DMXL2: variants seen among roughly 807,000 people sequenced by gnomAD.
DMXL2 encodes the protein dmX-like protein 2.
Under a neutral mutation model 331.1 loss-of-function variants are expected in DMXL2, and 103 were observed. The ratio of observed to expected loss-of-function variants is 0.31; its 90% CI spans 0.27 to 0.37. DMXL2 has a LOEUF of 0.37. Ranked by LOEUF, DMXL2 falls within the 10% of genes least tolerant of loss-of-function variation. The pLI, the probability that DMXL2 is intolerant of heterozygous loss-of-function variation, is 1.00. For synonymous variants in DMXL2, 1,281 were observed against 1,252.1 expected (o/e 1.02, Z -0.49); for missense variants, 3,171 against 3,642.9 (o/e 0.87, Z 3.33).
At chr15:51,611,978 G>T (rs2054000990) in intron 1 of DMXL2, among the ~76,000 whole-genome samples, 1 of 152,164 alleles carries the variant, frequency 6.6e-6, no homozygotes, top group Non-Finnish European at 1.5e-5. Context: ...TCCATGCTGT[G>T]GAAGCTTTGT....
rs969911409 is a variant in DMXL2, at chr15:51,573,324, G to C, written c.213+2732C>G. Among the ~76,000 whole-genome samples, 3 of 152,278 alleles carry C rather than the reference G, an allele frequency of 2.0e-5. 1 individual carries two copies. The highest frequency in any genetic ancestry group is 2.0e-4 in the Admixed American group (3 of 15,294). ...GGATCTAGAACCAGAAATACCATTTGACCCACCAATCCCATTACTGGGTAT... is the reference window on the plus strand; with the variant it reads ...GGATCTAGAACCAGAAATACCATTTCACCCACCAATCCCATTACTGGGTAT... On this transcript the variant is annotated intron_variant, in intron 2 of 43. Transcript: ENST00000560891.
chr15:51,497,954 A>C (rs1175791462), intron 18 of DMXL2, among the ~76,000 whole-genome samples: 1 of 152,150 alleles, frequency 6.6e-6, no homozygotes, highest in Non-Finnish European at 1.5e-5. Context: ...AGACTTGGCC[A>C]GTCCATGGTG....
chr15:51,483,938 G>A (rs746556029), intron 23 of DMXL2, among the ~76,000 whole-genome samples: 2 of 151,900 alleles, frequency 1.3e-5, no homozygotes, highest in Non-Finnish European at 2.9e-5. Context: ...TAACAGAAAC[G>A]CCCCCATGCC....
chr15:51,574,676 G>GA (rs1181991745), intron 2 of DMXL2, among the ~76,000 whole-genome samples: 34 of 152,112 alleles, frequency 2.2e-4, no homozygotes, highest in African/African-American at 8.2e-4. Context: ...AGGACTGGGG[G>GA]ATAAAAGGAC....
chr15:51,581,616 G>T (rs1357589223), intron 1 of DMXL2, among the ~76,000 whole-genome samples: 2 of 152,126 alleles, frequency 1.3e-5, no homozygotes, highest in Non-Finnish European at 2.9e-5. Context: ...TTTCAGAAAA[G>T]AAAACTAATA....
In DMXL2 at chr15:51,480,159, A is replaced by AT. The variant is rs1280960177; in HGVS notation, c.6565-21dup. On this transcript the variant is annotated intron_variant, in intron 24 of 43. Coordinates refer to ENST00000560891, the MANE Select transcript of DMXL2 (RefSeq NM_001378457.1). Reference sequence around the variant, plus strand: ...AGTTTCCTGTGGGTGATAGTGAATTATTTTTTTCAAAGTAGTTTAAAAAAT... The same window carrying AT: ...AGTTTCCTGTGGGTGATAGTGAATTATTTTTTTTCAAAGTAGTTTAAAAAAT... The AT allele has an allele frequency of 2.0e-6, 3 of 1,489,144 alleles. No individual in the cohort carries two copies. Among genetic ancestry groups the AT allele is most frequent in the South Asian group, 1.4e-5 (1 of 72,078 alleles). The allele number at this position is 1,489,144 out of a possible 1,614,324, so 92.2% of individuals were successfully genotyped here.
chr15:51,469,957 C>G (rs991081834), intron 29 of DMXL2, among the ~76,000 whole-genome samples: 1 of 152,186 alleles, frequency 6.6e-6, no homozygotes, highest in Non-Finnish European at 1.5e-5. Context: ...AGTTCTCAAA[C>G]TTCAGCACAC....
intron 2 of DMXL2, among the ~76,000 whole-genome samples, chr15:51,572,066 G>C (rs868606915): frequency 6.6e-6 from 1 of 151,936 alleles, no homozygotes; most frequent in East Asian, 1.9e-4. Flanking sequence ...AAAAAGAGAA[G>C]AATCAAATAG....
intron 13 of DMXL2, among the ~76,000 whole-genome samples, chr15:51,520,582 C>G (rs1216642101): frequency 2.0e-5 from 3 of 152,050 alleles, no homozygotes; most frequent in African/African-American, 7.2e-5. Flanking sequence ...AATAGGCTGA[C>G]ACGGTGGCTC....
intron 15 of DMXL2, among the ~76,000 whole-genome samples, chr15:51,510,639 T>TA (rs2140594248): frequency 6.6e-6 from 1 of 152,256 alleles, no homozygotes; most frequent in African/African-American, 2.4e-5. Flanking sequence ...ATAGATTCAA[T>TA]GCTATCCCCA....
intron 8 of DMXL2, among the ~76,000 whole-genome samples, chr15:51,544,129 GAC>G (rs1351138805): frequency 6.6e-6 from 1 of 152,104 alleles, no homozygotes; most frequent in Non-Finnish European, 1.5e-5. Flanking sequence ...CCCAATCACA[GAC>G]AGTGATATAG....
intron 26 of DMXL2, among the ~76,000 whole-genome samples, chr15:51,477,608 A>T (rs1276830418): frequency 6.6e-6 from 1 of 152,078 alleles, no homozygotes; most frequent in African/African-American, 2.4e-5. Context: ...AATATATTTA[A>T]TATCAATTTA....
intron 13 of DMXL2, among the ~76,000 whole-genome samples, chr15:51,522,383 C>T (rs778444855): frequency 5.7e-4 from 86 of 152,180 alleles, no homozygotes; most frequent in Admixed American, 3.3e-4. Flanking sequence ...CAGTGGTGCA[C>T]GCCTGTAATC....
At chr15:51,504,761 T>C (rs1250028146) in intron 16 of DMXL2, among the ~76,000 whole-genome samples, 1 of 152,220 alleles carries the variant, frequency 6.6e-6, no homozygotes. Context: ...GTCCCACTCC[T>C]GGCTTTATCA....
At chr15:51,558,917 C>T (rs953416365) in intron 6 of DMXL2, among the ~76,000 whole-genome samples, 1 of 152,140 alleles carries the variant, frequency 6.6e-6, no homozygotes, top group Non-Finnish European at 1.5e-5. Flanking sequence ...TATCTTGAAG[C>T]TGTATTTCAA....
chr15:51,454,825 A>T (rs932053998), intron 40 of DMXL2, among the ~76,000 whole-genome samples: 1 of 152,146 alleles, frequency 6.6e-6, no homozygotes, highest in Non-Finnish European at 1.5e-5. Flanking sequence ...GAATTTTATC[A>T]TGTGTATATT....
Position 51,502,230 on chromosome 15 carries a change from C to A in DMXL2, c.2992+576G>T, listed in dbSNP as rs1311852194. Among the ~76,000 whole-genome samples, 144 of 84,144 alleles carry A rather than the reference C, an allele frequency of 1.7e-3. 2 individuals carry two copies. Among genetic ancestry groups the A allele is most frequent in the African/African-American group, 5.7e-3 (136 of 23,876 alleles). 55.2% of individuals were successfully genotyped at this position (84,144 alleles called of 152,430 possible). On this transcript the variant is annotated intron_variant, in intron 17 of 43. Coordinates refer to ENST00000560891, the MANE Select transcript of DMXL2 (RefSeq NM_001378457.1). Reference sequence around the variant, plus strand: ...CCTGGGCGACAGAGTGAGACTCCGTCTAAAAAAAAAAAAAAAAAAAATTTA... The same window carrying A: ...CCTGGGCGACAGAGTGAGACTCCGTATAAAAAAAAAAAAAAAAAAAATTTA...
intron 1 of DMXL2, among the ~76,000 whole-genome samples, chr15:51,597,083 A>T (rs28376817): frequency 0.46 from 70,570 of 151,808 alleles, 16,895 homozygotes; most frequent in Non-Finnish European, 0.52. Flanking sequence ...ATAATAATAA[A>T]AAAGCAGACA....
chr15:51,449,594 C>T (rs905717655), intron 43 of DMXL2, among the ~76,000 whole-genome samples: 2 of 152,212 alleles, frequency 1.3e-5, no homozygotes, highest in Admixed American at 1.3e-4. Context: ...AAGCAATACG[C>T]ATTCAGCACG....
Sources: gnomAD v4.1 joint callset for allele counts (sites outside exome capture counted in the v4.1 genomes callset) on GRCh38, gnomAD v4.1.1 for gene constraint, MANE v1.5 for transcripts, NCBI Gene and HGNC (gene_info 2026-07-23, HGNC 2026-07-21) for gene names.